The following RALYL variants were observed in gnomAD, a reference collection of about 807,000 sequenced individuals.
RALYL encodes RALY RNA binding protein like.
A neutral mutation model predicts 35.1 loss-of-function variants in RALYL; 29 were observed. That is an observed-to-expected ratio of 0.83 (90% CI 0.61 to 1.13). The LOEUF is 1.13. Ranked by LOEUF, RALYL falls within the 50% of genes most tolerant of loss-of-function variation. The probability of loss-of-function intolerance (pLI) is 0.00; values close to 1 mark genes in which losing one functional copy is unlikely to be tolerated. For synonymous variants in RALYL, 120 were observed against 127.6 expected (o/e 0.94, Z 0.40); for missense variants, 359 against 360.4 (o/e 1.00, Z 0.03).
rs112939486 is a variant in RALYL, at chr8:84,224,777, C to T, written c.-24+40353C>T. ...GTTCAAGCAATTCTCCTGCCTCAGCCTCCTGAGTAGCTGGGACTACAGGCG... is the reference window on the plus strand; with the variant it reads ...GTTCAAGCAATTCTCCTGCCTCAGCTTCCTGAGTAGCTGGGACTACAGGCG... On this transcript the variant is annotated intron_variant, in intron 1 of 8. Transcript: ENST00000521268. 1.4e-3 allele frequency among the ~76,000 whole-genome samples: 220 copies of T among 152,098 alleles called. 3 individuals are homozygous for T. Among genetic ancestry groups the T allele is most frequent in the Middle Eastern group, 6.8e-3 (2 of 294 alleles).
intron 2 of RALYL, among the ~76,000 whole-genome samples, chr8:84,660,250 T>A (rs912537651): frequency 6.6e-6 from 1 of 152,072 alleles, no homozygotes; most frequent in Admixed American, 6.5e-5. Flanking sequence ...TCAATAATGA[T>A]ATATCTCATT....
chr8:84,715,587 C>T (rs978408062), intron 2 of RALYL, among the ~76,000 whole-genome samples: 1 of 152,078 alleles, frequency 6.6e-6, no homozygotes, highest in Non-Finnish European at 1.5e-5. Context: ...AAAATATCTG[C>T]AAATGAATGT....
rs959197279 is a variant in RALYL, at chr8:84,468,002, C to A, written c.-23-61297C>A. 4.2e-5 allele frequency among the ~76,000 whole-genome samples: 6 copies of A among 144,468 alleles called. No homozygotes were observed. In the Admixed American group the frequency reaches 4.2e-4, roughly 10 times the overall value. The allele number at this position is 144,468 out of a possible 152,430, so 94.8% of individuals were successfully genotyped here. On this transcript the variant is annotated intron_variant, in intron 1 of 8. Transcript: ENST00000521268. ...TTTGTTTTCCATTTGCTTGGTAGAT[C>A]TTCCTCCATCCTTTTATTTTGAGCC...
At chr8:84,353,899 A>G (rs1174513819) in intron 1 of RALYL, among the ~76,000 whole-genome samples, 3 of 149,974 alleles carry the variant, frequency 2.0e-5, no homozygotes, top group African/African-American at 7.5e-5. Context: ...CAAAAGGATC[A>G]TTTTGAGTAA....
At chr8:84,434,827 C>T (rs317946) in intron 1 of RALYL, among the ~76,000 whole-genome samples, 90,550 of 151,830 alleles carry the variant, frequency 0.6, 27,284 homozygotes, top group African/African-American at 0.67. Flanking sequence ...AAAATATATA[C>T]ATTTGTAGAG....
chr8:84,185,508 C>T (rs964556303), intron 1 of RALYL, among the ~76,000 whole-genome samples: 4 of 152,050 alleles, frequency 2.6e-5, no homozygotes, highest in Admixed American at 6.6e-5. Flanking sequence ...AATAAAAAGC[C>T]TTTTCTGTAT....
chr8:84,875,567 GTC>G (rs1364331144), intron 7 of RALYL, among the ~76,000 whole-genome samples: 1 of 151,744 alleles, frequency 6.6e-6, no homozygotes, highest in African/African-American at 2.4e-5. Context: ...TGATATTTAT[GTC>G]TCTTTAACTT....
chr8:84,524,225 A>G (rs1382753647), intron 1 of RALYL, among the ~76,000 whole-genome samples: 2 of 152,158 alleles, frequency 1.3e-5, no homozygotes, highest in East Asian at 3.9e-4. Flanking sequence ...AATATCCAGA[A>G]TCTACAATGA....
chr8:84,268,445 G>A (rs1466707123), intron 1 of RALYL, among the ~76,000 whole-genome samples: 1 of 152,144 alleles, frequency 6.6e-6, no homozygotes, highest in African/African-American at 2.4e-5. Flanking sequence ...AGGAAATAGA[G>A]TAAGCTCAGT....
intron 1 of RALYL, among the ~76,000 whole-genome samples, chr8:84,420,117 C>A (rs1587018143): frequency 6.6e-6 from 1 of 151,750 alleles, no homozygotes; most frequent in South Asian, 2.1e-4. Context: ...TGAGGAATCG[C>A]CACACTGACT....
Position 84,234,772 on chromosome 8 carries a change from T to A in RALYL, c.-24+50348T>A, listed in dbSNP as rs1159269308. On this transcript the variant is annotated intron_variant, in intron 1 of 8. Coordinates refer to ENST00000521268, the MANE Select transcript of RALYL (RefSeq NM_173848.7). Reference sequence around the variant, plus strand: ...GCAAAATTTTATTTATTTATTTATTTTTTTTTTTTTGAGATGGAGTCTCGC... The same window carrying A: ...GCAAAATTTTATTTATTTATTTATTATTTTTTTTTTGAGATGGAGTCTCGC... 3.1e-4 allele frequency among the ~76,000 whole-genome samples: 33 copies of A among 106,374 alleles called. 1 individual carries two copies. The South Asian group carries it at 6.0e-3, about 19-fold the overall frequency. The allele number at this position is 106,374 out of a possible 152,430, so 69.8% of individuals were successfully genotyped here.
chr8:84,358,446 GA>G (rs1852302713), intron 1 of RALYL, among the ~76,000 whole-genome samples: 1 of 151,922 alleles, frequency 6.6e-6, no homozygotes, highest in South Asian at 2.1e-4. Context: ...GGCCTACTAG[GA>G]ATACATGAAA....
intron 1 of RALYL, among the ~76,000 whole-genome samples, chr8:84,414,567 G>A (rs914393998): frequency 6.6e-6 from 1 of 152,022 alleles, no homozygotes; most frequent in African/African-American, 2.4e-5. Flanking sequence ...AAATGATTTC[G>A]AGCATATTTG....
At chr8:84,817,113 C>G (rs529201964) in intron 4 of RALYL, among the ~76,000 whole-genome samples, 1 of 152,198 alleles carries the variant, frequency 6.6e-6, no homozygotes, top group Admixed American at 6.5e-5. Flanking sequence ...AGAGTAAATA[C>G]TTTCAGGGCA....
chr8:84,287,334 ATTGAAAT>A (rs1837827160), intron 1 of RALYL, among the ~76,000 whole-genome samples: 1 of 36,672 alleles, frequency 2.7e-5, no homozygotes, highest in Non-Finnish European at 5.6e-5. Flanking sequence ...TAGGAAGATC[ATTGAAAT>A]CGTCAAAATC....
chr8:84,266,289 A>C (rs2131873566), intron 1 of RALYL, among the ~76,000 whole-genome samples: 1 of 152,210 alleles, frequency 6.6e-6, no homozygotes, highest in Admixed American at 6.5e-5. Flanking sequence ...GCGAATTCAA[A>C]CCCTAGTTCT....
At chr8:84,342,195 A>C (rs1167587715) in intron 1 of RALYL, among the ~76,000 whole-genome samples, 2 of 146,504 alleles carry the variant, frequency 1.4e-5, no homozygotes, top group Non-Finnish European at 3.0e-5. Flanking sequence ...AAAGAGCAGA[A>C]TCTATTAATG....
chr8:84,252,217 A>T (rs960759099), intron 1 of RALYL, among the ~76,000 whole-genome samples: 15 of 152,264 alleles, frequency 9.9e-5, no homozygotes, highest in Middle Eastern at 6.8e-3. Context: ...TGTTTTCAAC[A>T]TAGTCTACCA....
At chr8:84,571,815 T>A (rs1808070862) in intron 2 of RALYL, among the ~76,000 whole-genome samples, 1 of 151,842 alleles carries the variant, frequency 6.6e-6, no homozygotes, top group Admixed American at 6.6e-5. Flanking sequence ...AGTTTGTCTA[T>A]TTTCATTTGT....
Sources: gnomAD v4.1 joint callset for allele counts (sites outside exome capture counted in the v4.1 genomes callset) on GRCh38, gnomAD v4.1.1 for gene constraint, MANE v1.5 for transcripts, NCBI Gene and HGNC (gene_info 2026-07-23, HGNC 2026-07-21) for gene names.